SEMA3E: variants seen among roughly 807,000 people sequenced by gnomAD.
The protein encoded by SEMA3E is semaphorin-3E.
A neutral mutation model predicts 93.6 loss-of-function variants in SEMA3E; 49 were observed. The observed-to-expected ratio is 0.52, with a 90% confidence interval of 0.42 to 0.66. The LOEUF (loss-of-function observed/expected upper bound fraction) is 0.66, where lower values mean the gene tolerates loss of function less well. Among genes scored for constraint, SEMA3E ranks in the 30% least tolerant of loss-of-function variants. The pLI is 0.00. For synonymous variants in SEMA3E, 363 were observed against 330.7 expected (o/e 1.10, Z -1.06); for missense variants, 906 against 964.8 (o/e 0.94, Z 0.81).
At chr7:83,430,855 G>GA (rs1193478047) in intron 4 of SEMA3E, among the ~76,000 whole-genome samples, 1 of 151,974 alleles carries the variant, frequency 6.6e-6, no homozygotes, top group Non-Finnish European at 1.5e-5. Context: ...AAAAATGAAA[G>GA]AAAAAATTGA....
intron 2 of SEMA3E, among the ~76,000 whole-genome samples, chr7:83,478,639 A>G (rs1405069937): frequency 6.6e-6 from 1 of 152,184 alleles, no homozygotes; most frequent in Non-Finnish European, 1.5e-5. Context: ...GTTACATCTA[A>G]TACCAGTCGG....
At chr7:83,530,470 TAAAC>T (rs1791265638) in intron 1 of SEMA3E, among the ~76,000 whole-genome samples, 1 of 152,158 alleles carries the variant, frequency 6.6e-6, no homozygotes, top group Admixed American at 6.5e-5. Context: ...AGGTATTGGT[TAAAC>T]AAATCACTGA....
At chr7:83,624,084 G>C (rs42009) in intron 1 of SEMA3E, among the ~76,000 whole-genome samples, 1 of 151,940 alleles carries the variant, frequency 6.6e-6, no homozygotes, top group Non-Finnish European at 1.5e-5. Flanking sequence ...ATAATACTCA[G>C]TGGTGTGTAT....
intron 1 of SEMA3E, among the ~76,000 whole-genome samples, chr7:83,576,978 C>A (rs1163511798): frequency 6.6e-6 from 1 of 152,224 alleles, no homozygotes; most frequent in East Asian, 1.9e-4. Context: ...TAATTTCCAT[C>A]GTGGTAATAA....
intron 1 of SEMA3E, among the ~76,000 whole-genome samples, chr7:83,515,020 T>G (rs1790898106): frequency 6.6e-6 from 1 of 152,186 alleles, no homozygotes; most frequent in Non-Finnish European, 1.5e-5. Flanking sequence ...CTCCTTGAAA[T>G]AGCAACCTCT....
At chr7:83,395,076 T>A (rs1254509923) in intron 12 of SEMA3E, among the ~76,000 whole-genome samples, 4 of 152,220 alleles carry the variant, frequency 2.6e-5, no homozygotes, top group Non-Finnish European at 4.4e-5. Flanking sequence ...GTCAGTGTTT[T>A]TTTATTTTTT....
chr7:83,566,986 G>A (rs1051974667), intron 1 of SEMA3E, among the ~76,000 whole-genome samples: 1 of 152,162 alleles, frequency 6.6e-6, no homozygotes, highest in Non-Finnish European at 1.5e-5. Flanking sequence ...TAAATTGTAT[G>A]AGTGAAAGAA....
At chr7:83,629,738 G>A (rs944619888) in intron 1 of SEMA3E, among the ~76,000 whole-genome samples, 2 of 152,108 alleles carry the variant, frequency 1.3e-5, no homozygotes, top group Admixed American at 1.3e-4. Flanking sequence ...GTGGGGGTGG[G>A]ATCCACTGAG....
At chr7:83,379,368 G>C (rs543411016) in intron 16 of SEMA3E, among the ~76,000 whole-genome samples, 1 of 151,890 alleles carries the variant, frequency 6.6e-6, no homozygotes, top group South Asian at 2.1e-4. Context: ...ATATGCACCT[G>C]TAACCCCCAA....
intron 16 of SEMA3E, among the ~76,000 whole-genome samples, chr7:83,370,563 T>A (rs1014184350): frequency 1.3e-5 from 2 of 152,138 alleles, no homozygotes; most frequent in African/African-American, 4.8e-5. Context: ...TTTTTTCTGT[T>A]TCTTCTTTCA....
intron 1 of SEMA3E, among the ~76,000 whole-genome samples, chr7:83,528,341 T>C (rs948533492): frequency 1.3e-5 from 2 of 152,126 alleles, no homozygotes; most frequent in Admixed American, 6.6e-5. Flanking sequence ...TCTTTGAAGT[T>C]AGAATAGAAA....
intron 1 of SEMA3E, among the ~76,000 whole-genome samples, chr7:83,592,832 A>G (rs1448704692): frequency 6.6e-6 from 1 of 152,226 alleles, no homozygotes; most frequent in East Asian, 1.9e-4. Flanking sequence ...GGAGGATGAC[A>G]GAAGCAGGTG....
chr7:83,620,685 G>C (rs1410272006), intron 1 of SEMA3E, among the ~76,000 whole-genome samples: 1 of 152,068 alleles, frequency 6.6e-6, no homozygotes, highest in Non-Finnish European at 1.5e-5. Context: ...ATGCAAGGTT[G>C]GTTCAACATA....
At chr7:83,403,312 G>A (rs1788266099) in intron 9 of SEMA3E, among the ~76,000 whole-genome samples, 1 of 151,820 alleles carries the variant, frequency 6.6e-6, no homozygotes, top group African/African-American at 2.4e-5. Context: ...GGGGGTTCAT[G>A]TAAACTTTAA....
chr7:83,505,133 A>C (rs1172596989), intron 1 of SEMA3E, among the ~76,000 whole-genome samples: 3 of 152,186 alleles, frequency 2.0e-5, no homozygotes, highest in Non-Finnish European at 4.4e-5. Flanking sequence ...CATATCAAAT[A>C]ATATTTACTT....
At chr7:83,646,450 C>G (rs1794080693) in intron 1 of SEMA3E, among the ~76,000 whole-genome samples, 1 of 152,064 alleles carries the variant, frequency 6.6e-6, no homozygotes, top group East Asian at 1.9e-4. Context: ...CCAGTGTGAT[C>G]TCTTAACTGA....
At chr7:83,421,940 G>A (rs1236154871) in intron 4 of SEMA3E, among the ~76,000 whole-genome samples, 1 of 152,180 alleles carries the variant, frequency 6.6e-6, no homozygotes, top group Non-Finnish European at 1.5e-5. Context: ...CACTTTGGGA[G>A]GCCGAGGAAG....
chr7:83,437,512 A>G (rs1789029163), intron 4 of SEMA3E, among the ~76,000 whole-genome samples: 1 of 152,102 alleles, frequency 6.6e-6, no homozygotes, highest in Non-Finnish European at 1.5e-5. Context: ...TCAAAAAACA[A>G]AGGCTTTCTT....
intron 3 of SEMA3E, among the ~76,000 whole-genome samples, chr7:83,468,570 A>C (rs1183803465): frequency 6.6e-6 from 1 of 151,688 alleles, no homozygotes; most frequent in African/African-American, 2.4e-5. Flanking sequence ...TTTTTAACTG[A>C]AAAAAAGGTT....
Sources: allele counts gnomAD v4.1 joint callset (sites outside exome capture counted in the v4.1 genomes callset), GRCh38; gene constraint gnomAD v4.1.1; transcripts MANE v1.5; gene names NCBI Gene and HGNC (gene_info 2026-07-23, HGNC 2026-07-21).